LRRC37A2: variants seen among roughly 807,000 people sequenced by gnomAD.
LRRC37A2 encodes leucine-rich repeat-containing protein 37A2.
A neutral mutation model predicts 68.8 loss-of-function variants in LRRC37A2; 9 were observed. That is an observed-to-expected ratio of 0.13 (90% confidence interval 0.08 to 0.23). The LOEUF (loss-of-function observed/expected upper bound fraction) is 0.23. LRRC37A2 is among the 10% of genes least tolerant of loss of function. The pLI, the probability that LRRC37A2 is intolerant of heterozygous loss-of-function variation, is 1.00. For missense variants in LRRC37A2, 168 were observed against 950.4 expected (o/e 0.18, Z 10.82); for synonymous variants, 63 against 367.6 (o/e 0.17, Z 9.48).
At chr17:46,983,540 T>C in the LRRC37A2 span, among the ~76,000 whole-genome samples, 1 of 152,066 alleles carries the variant, frequency 6.6e-6, no homozygotes, top group Non-Finnish European at 1.5e-5. Flanking sequence ...ATGATCCACC[T>C]GCCTCGGCCT....
chr17:46,928,334 G>A, the LRRC37A2 span, among the ~76,000 whole-genome samples: 1 of 152,156 alleles, frequency 6.6e-6, no homozygotes, highest in Non-Finnish European at 1.5e-5. Flanking sequence ...GTAGATTTGG[G>A]GTCCTGGTTT....
the LRRC37A2 span, among the ~76,000 whole-genome samples, chr17:46,881,766 C>T: frequency 6.6e-6 from 1 of 152,234 alleles, no homozygotes; most frequent in East Asian, 1.9e-4. Flanking sequence ...AAAACAGCCA[C>T]ATGTGCTTTC....
chr17:47,019,700 C>T, the LRRC37A2 span: 48 of 1,241,206 alleles, frequency 3.9e-5, no homozygotes, highest in South Asian at 6.0e-5. Context: ...TCTGTACCTG[C>T]GGAGATGAGA....
the LRRC37A2 span, among the ~76,000 whole-genome samples, chr17:46,844,383 C>T: frequency 6.7e-6 from 1 of 148,556 alleles, no homozygotes; most frequent in Non-Finnish European, 1.5e-5. Flanking sequence ...CGAGTCTCTC[C>T]TTTGTTTAAA....
the LRRC37A2 span, among the ~76,000 whole-genome samples, chr17:46,897,626 A>G: frequency 6.6e-6 from 1 of 151,950 alleles, no homozygotes; most frequent in African/African-American, 2.4e-5. Flanking sequence ...CTCTGGGTGT[A>G]CCTTTTTTTA....
the LRRC37A2 span, among the ~76,000 whole-genome samples, chr17:46,950,687 G>A: frequency 3.9e-5 from 6 of 152,118 alleles, no homozygotes; most frequent in Admixed American, 2.0e-4. Context: ...CTGCCTGCCC[G>A]GGGCCCTGCT....
the LRRC37A2 span, among the ~76,000 whole-genome samples, chr17:46,918,596 G>GACACAC: frequency 2.3e-4 from 34 of 146,760 alleles, no homozygotes; most frequent in African/African-American, 8.3e-4. Context: ...ATAGCAGGCA[G>GACACAC]ACACACACAC....
the LRRC37A2 span, among the ~76,000 whole-genome samples, chr17:46,494,548 T>G: frequency 1.3e-4 from 19 of 150,644 alleles, no homozygotes; most frequent in South Asian, 2.1e-3. Context: ...ATTTACAAAT[T>G]ATCAATTATA....
chr17:47,010,776 C>T, the LRRC37A2 span: 1 of 152,194 alleles, frequency 6.6e-6, no homozygotes, highest in Non-Finnish European at 1.5e-5. Context: ...GAGAAGTAGG[C>T]TATGAAAGGG....
chr17:47,015,862 C>G, the LRRC37A2 span, among the ~76,000 whole-genome samples: 2 of 151,998 alleles, frequency 1.3e-5, no homozygotes, highest in Admixed American at 6.6e-5. Flanking sequence ...GAGAGGAAGT[C>G]AGCACTCATT....
chr17:46,874,845 TG>T, the LRRC37A2 span: 1 of 609,980 alleles, frequency 1.6e-6, no homozygotes, highest in Non-Finnish European at 2.9e-6. Context: ...CCTAAAGTGC[TG>T]GGATTAGGGG....
At chr17:46,840,715 C>T in the LRRC37A2 span, among the ~76,000 whole-genome samples, 2 of 152,202 alleles carry the variant, frequency 1.3e-5, no homozygotes, top group Non-Finnish European at 2.9e-5. Flanking sequence ...GAGATGGTAT[C>T]TCATTGTGGT....
the LRRC37A2 span, among the ~76,000 whole-genome samples, chr17:46,679,366 G>GA: frequency 7.3e-6 from 1 of 137,168 alleles, no homozygotes; most frequent in South Asian, 2.5e-4. Context: ...CATTCACTGA[G>GA]AAAAACAATA....
chr17:46,898,662 G>A, the LRRC37A2 span, among the ~76,000 whole-genome samples: 1 of 152,200 alleles, frequency 6.6e-6, no homozygotes, highest in Non-Finnish European at 1.5e-5. Context: ...TTCTTGCCTT[G>A]GGAATCCTCG....
rs529817314 is a variant in LRRC37A2, at chr17:46,551,090, G to A, written c.4809+571G>A. On this transcript the variant is annotated intron_variant, in intron 11 of 14. Coordinates refer to ENST00000576629, the Ensembl canonical transcript of LRRC37A2. ...TTTAAGTTCACTGGTGAGGGGGAAC[G>A]TCTCATACTCTAGCCCTCCTGAGCC... 3.8e-3 allele frequency among the ~76,000 whole-genome samples: 575 copies of A among 150,044 alleles called. 7 individuals are homozygous for A. The highest frequency in any genetic ancestry group is 0.014 in the African/African-American group (550 of 39,414).
chr17:47,019,823 T>C, the LRRC37A2 span: 8 of 1,326,904 alleles, frequency 6.0e-6, no homozygotes, highest in East Asian at 1.8e-4. Context: ...TTTCCTCAAT[T>C]GCCCTCTGTG....
chr17:46,638,656 C>G, the LRRC37A2 span, among the ~76,000 whole-genome samples: 1 of 140,702 alleles, frequency 7.1e-6, no homozygotes, highest in African/African-American at 2.8e-5. Context: ...AGATTACAGG[C>G]ATGAGCCACC....
chr17:47,019,991 C>T, the LRRC37A2 span, among the ~76,000 whole-genome samples: 1 of 149,102 alleles, frequency 6.7e-6, no homozygotes, highest in African/African-American at 2.5e-5. Context: ...CAGTCTTTTC[C>T]TTTTACTCTG....
chr17:46,971,233 A>T, the LRRC37A2 span, among the ~76,000 whole-genome samples: 1 of 152,132 alleles, frequency 6.6e-6, no homozygotes, highest in Non-Finnish European at 1.5e-5. Context: ...GCTACTTGGG[A>T]GGCTGAGGGA....
Sources: allele counts gnomAD v4.1 joint callset (sites outside exome capture counted in the v4.1 genomes callset), GRCh38; gene constraint gnomAD v4.1.1; transcripts MANE v1.5; gene names NCBI Gene and HGNC (gene_info 2026-07-23, HGNC 2026-07-21).